UBE2H: variants seen among roughly 807,000 people sequenced by gnomAD.
The protein encoded by UBE2H is ubiquitin conjugating enzyme E2 H, also known as ubiquitin-conjugating enzyme E2 H.
In UBE2H, 3 loss-of-function variants were observed where a neutral mutation model predicts 29.0. That is an observed-to-expected ratio of 0.10 (90% CI 0.05 to 0.27). UBE2H has a LOEUF of 0.27. Ranked by LOEUF, UBE2H falls within the 10% of genes least tolerant of loss-of-function variation. UBE2H has a pLI of 1.00. For missense variants in UBE2H, 68 were observed against 228.2 expected, an observed-to-expected ratio of 0.30 and a Z score of 4.52; for synonymous variants, 69 against 82.9, an observed-to-expected ratio of 0.83 and a Z score of 0.91.
At chr7:129,835,627 G>T (rs935929428) in intron 6 of UBE2H, among the ~76,000 whole-genome samples, 3 of 152,146 alleles carry the variant, frequency 2.0e-5, no homozygotes, top group Non-Finnish European at 2.9e-5. Context: ...GCTCTGAGTG[G>T]TTTTTCCATG....
At chr7:129,913,232 G>C (rs553420519) in intron 1 of UBE2H, among the ~76,000 whole-genome samples, 75 of 134,756 alleles carry the variant, frequency 5.6e-4, no homozygotes, top group Non-Finnish European at 9.9e-4. Flanking sequence ...AGCCTGGGCA[G>C]CAAGAGCGAA....
chr7:129,882,104 C>A (rs535220099), intron 1 of UBE2H, among the ~76,000 whole-genome samples: 1 of 152,184 alleles, frequency 6.6e-6, no homozygotes, highest in Admixed American at 6.5e-5. Flanking sequence ...CTAAAACTTA[C>A]CTACCCCTGA....
At chr7:129,939,242 C>T (rs1454079371) in intron 1 of UBE2H, among the ~76,000 whole-genome samples, 1 of 152,286 alleles carries the variant, frequency 6.6e-6, no homozygotes, top group Non-Finnish European at 1.5e-5. Flanking sequence ...TATTCACAGG[C>T]ACAGTCATTG....
At chr7:129,868,938 T>G (rs1353683674) in intron 3 of UBE2H, among the ~76,000 whole-genome samples, 1 of 109,726 alleles carries the variant, frequency 9.1e-6, no homozygotes, top group African/African-American at 3.2e-5. Context: ...TCTCTCTCTT[T>G]TTTTTTTTTT....
intron 1 of UBE2H, among the ~76,000 whole-genome samples, chr7:129,927,381 A>C (rs1807291720): frequency 6.6e-6 from 1 of 152,142 alleles, no homozygotes; most frequent in East Asian, 1.9e-4. Flanking sequence ...CTCTACTAAA[A>C]ATACAAAAAT....
At chr7:129,839,641 A>T in intron 5 of UBE2H, 1 of 277,312 alleles carries the variant, frequency 3.6e-6, no homozygotes, top group Non-Finnish European at 6.9e-6. Flanking sequence ...AGCTTACAAA[A>T]CCCCCCACTC....
At chr7:129,914,171 ATT>A (rs537238975) in intron 1 of UBE2H, among the ~76,000 whole-genome samples, 2 of 145,076 alleles carry the variant, frequency 1.4e-5, no homozygotes, top group Non-Finnish European at 1.5e-5. Flanking sequence ...TCAAAAATCA[ATT>A]TTTTTTTTTT....
At chr7:129,925,335 A>G (rs1167407872) in intron 1 of UBE2H, among the ~76,000 whole-genome samples, 1 of 152,090 alleles carries the variant, frequency 6.6e-6, no homozygotes, top group Non-Finnish European at 1.5e-5. Context: ...CAACAGAGCA[A>G]GACTCAGTCT....
chr7:129,866,150 C>T (rs115622767), intron 3 of UBE2H, among the ~76,000 whole-genome samples: 41 of 152,272 alleles, frequency 2.7e-4, no homozygotes, highest in African/African-American at 9.6e-4. Flanking sequence ...GGTGAGGAAC[C>T]AGGCAAGGAG....
intron 5 of UBE2H, among the ~76,000 whole-genome samples, chr7:129,854,060 G>GGTTT (rs1554430936): frequency 3.0e-5 from 3 of 100,312 alleles, no homozygotes; most frequent in Non-Finnish European, 4.0e-5. Context: ...TTTAGTGTTA[G>GGTTT]TTTTTTTTTT....
intron 1 of UBE2H, among the ~76,000 whole-genome samples, chr7:129,937,460 A>C (rs62491539): frequency 0.13 from 19,507 of 152,270 alleles, 1,581 homozygotes; most frequent in East Asian, 0.3. Context: ...CTCTTAACTA[A>C]ATCTCAAACA....
chr7:129,932,904 A>G (rs1692109616), intron 1 of UBE2H, among the ~76,000 whole-genome samples: 1 of 152,042 alleles, frequency 6.6e-6, no homozygotes, highest in African/African-American at 2.4e-5. Flanking sequence ...ATTCCCCTTG[A>G]AAGTATCTTG....
chr7:129,916,429 A>C (rs1164692696), intron 1 of UBE2H, among the ~76,000 whole-genome samples: 1 of 1,458 alleles, frequency 6.9e-4, no homozygotes, highest in African/African-American at 8.2e-4. Context: ...CTTCCCACTT[A>C]AAAAAAAAAA....
At chr7:129,868,347 G>A (rs1805954654) in intron 3 of UBE2H, among the ~76,000 whole-genome samples, 2 of 152,120 alleles carry the variant, frequency 1.3e-5, no homozygotes, top group South Asian at 2.1e-4. Flanking sequence ...TTGGGAGGCC[G>A]AGGCGGGTGG....
intron 5 of UBE2H, among the ~76,000 whole-genome samples, chr7:129,844,088 T>C (rs1234680239): frequency 6.6e-6 from 1 of 152,252 alleles, no homozygotes; most frequent in Admixed American, 6.5e-5. Flanking sequence ...CCCTTAATTA[T>C]TGGTTCTTCC....
intron 1 of UBE2H, among the ~76,000 whole-genome samples, chr7:129,908,597 GCAGT>G (rs1242165545): frequency 1.3e-5 from 2 of 152,198 alleles, no homozygotes; most frequent in South Asian, 2.1e-4. Flanking sequence ...AGATTACTAA[GCAGT>G]CAGTCACTTA....
Position 129,832,226 on chromosome 7 carries a change from G to C in UBE2H, c.*2711C>G, listed in dbSNP as rs913484643. On this transcript the variant is annotated 3_prime_UTR_variant, in exon 7 of 7. Coordinates refer to ENST00000355621, the MANE Select transcript of UBE2H (RefSeq NM_003344.4). Reference sequence around the variant, plus strand: ...CCCACCTCTCCCAGGCGCAGGGAGAGGACAAAAAGCATAAGGGACTCTGTT... The same window carrying C: ...CCCACCTCTCCCAGGCGCAGGGAGACGACAAAAAGCATAAGGGACTCTGTT... 2.0e-5 allele frequency: 3 copies of C among 152,246 alleles called. No individual in the cohort carries two copies. Among genetic ancestry groups the C allele is most frequent in the South Asian group, 2.1e-4 (1 of 4,828 alleles). The allele number at this position is 152,246 out of a possible 1,614,324, so 9.4% of individuals were successfully genotyped here.
At chr7:129,917,088 C>G (rs899001244) in intron 1 of UBE2H, among the ~76,000 whole-genome samples, 2 of 151,430 alleles carry the variant, frequency 1.3e-5, no homozygotes, top group African/African-American at 2.4e-5. Context: ...GCCTGTAGTC[C>G]CAGCTACTGG....
rs1466168973 is a variant in UBE2H at position 129,951,154 on chromosome 7, ACT to A, written c.53+1347_53+1348del. ...CACTGCCAAACCATATGCAAAAACT[ACT>A]TTTTTAAAACTTCAGCAAATTCCCT... On this transcript the variant is annotated intron_variant, in intron 1 of 6. Coordinates refer to ENST00000355621, the MANE Select transcript of UBE2H (RefSeq NM_003344.4). 2.6e-5 allele frequency: 4 copies of A among 152,328 alleles called. No homozygotes were observed. The East Asian group carries it at 7.7e-4, about 29-fold the overall frequency. The allele number at this position is 152,328 out of a possible 1,614,324, so 9.4% of individuals were successfully genotyped here. A position where few individuals can be genotyped will look rare whatever the true frequency, so the allele number is the denominator to read the frequency against.
Sources: gnomAD v4.1 joint callset for allele counts (sites outside exome capture counted in the v4.1 genomes callset) on GRCh38, gnomAD v4.1.1 for gene constraint, MANE v1.5 for transcripts, NCBI Gene and HGNC (gene_info 2026-07-23, HGNC 2026-07-21) for gene names.